Variants in ZNF804A observed in about 807,000 individuals in gnomAD.
ZNF804A encodes zinc finger protein 804A.
Under a neutral mutation model 16.5 loss-of-function variants are expected in ZNF804A, and 2 were observed. That is an observed-to-expected ratio of 0.12 (90% CI 0.05 to 0.38). The LOEUF (loss-of-function observed/expected upper bound fraction) is 0.38. ZNF804A is among the 10% of genes least tolerant of loss of function. ZNF804A has a pLI of 0.99. For synonymous variants in ZNF804A, 534 were observed against 489.6 expected, an observed-to-expected ratio of 1.09 and a Z score of -1.20; for missense variants, 1,473 against 1,390.7, an observed-to-expected ratio of 1.06 and a Z score of -0.94.
At chr2:184,629,950 A>C (rs1006915028) in intron 1 of ZNF804A, among the ~76,000 whole-genome samples, 1 of 152,164 alleles carries the variant, frequency 6.6e-6, no homozygotes, top group Non-Finnish European at 1.5e-5. Context: ...AAATCACCAT[A>C]CACTATACAT....
At chr2:184,702,210 A>G (rs1012603608) in intron 1 of ZNF804A, among the ~76,000 whole-genome samples, 6 of 152,162 alleles carry the variant, frequency 3.9e-5, no homozygotes, top group Admixed American at 3.3e-4. Context: ...TTGCATAGTC[A>G]CAACCCTTTA....
chr2:184,880,142 T>TGG (rs918013044), intron 2 of ZNF804A, among the ~76,000 whole-genome samples: 14 of 152,036 alleles, frequency 9.2e-5, no homozygotes, highest in African/African-American at 3.4e-4. Flanking sequence ...ATAGCAAAGA[T>TGG]GGAGCCCTTT....
intron 1 of ZNF804A, among the ~76,000 whole-genome samples, chr2:184,632,559 C>T (rs998468881): frequency 1.3e-5 from 2 of 152,098 alleles, no homozygotes; most frequent in Admixed American, 6.6e-5. Context: ...CCACGCCTGG[C>T]TAATTTTTGT....
chr2:184,680,488 A>C (rs1292169301), intron 1 of ZNF804A, among the ~76,000 whole-genome samples: 1 of 152,214 alleles, frequency 6.6e-6, no homozygotes, highest in Non-Finnish European at 1.5e-5. Flanking sequence ...ATCTGAACAG[A>C]CACTGGGACA....
At chr2:184,717,577 A>G (rs897288256) in intron 1 of ZNF804A, among the ~76,000 whole-genome samples, 29 of 152,314 alleles carry the variant, frequency 1.9e-4, no homozygotes, top group Non-Finnish European at 3.5e-4. Context: ...TTTTGCCGCC[A>G]TCCATTACAA....
chr2:184,829,623 T>C (rs1695226831), intron 1 of ZNF804A, among the ~76,000 whole-genome samples: 1 of 151,952 alleles, frequency 6.6e-6, no homozygotes, highest in African/African-American at 2.4e-5. Context: ...TGATATTATC[T>C]GATGTAGACA....
chr2:184,841,970 A>G (rs1695442723), intron 1 of ZNF804A, among the ~76,000 whole-genome samples: 1 of 152,160 alleles, frequency 6.6e-6, no homozygotes, highest in African/African-American at 2.4e-5. Flanking sequence ...AATGGGGCTA[A>G]TAATATTTGT....
intron 1 of ZNF804A, among the ~76,000 whole-genome samples, chr2:184,829,208 T>C (rs761056757): frequency 3.3e-5 from 5 of 151,818 alleles, no homozygotes; most frequent in African/African-American, 4.8e-5. Context: ...TTTAGATTTA[T>C]ATCAAATGTG....
At chr2:184,786,120 C>T (rs1234830567) in intron 1 of ZNF804A, among the ~76,000 whole-genome samples, 1 of 151,980 alleles carries the variant, frequency 6.6e-6, no homozygotes, top group Non-Finnish European at 1.5e-5. Context: ...AATCCTAACT[C>T]TAAAGGTAAT....
chr2:184,725,980 C>A (rs1236083365), intron 1 of ZNF804A, among the ~76,000 whole-genome samples: 1 of 151,638 alleles, frequency 6.6e-6, no homozygotes, highest in Non-Finnish European at 1.5e-5. Flanking sequence ...AGCTTTCTAG[C>A]AAAGTAATAT....
rs779929990 is a variant in ZNF804A, at chr2:184,695,465, T to TAAAAAAAAAAA, written c.111+96412_111+96422dup. ...GGGCGACAGAGCGAGACTCCGTCAT[T>TAAAAAAAAAAA]AAAAAAAAAAAAAAAAAAAAAAAAA... On this transcript the variant is annotated intron_variant, in intron 1 of 3. Transcript: ENST00000302277. 1.9e-3 allele frequency among the ~76,000 whole-genome samples: 100 copies of TAAAAAAAAAAA among 51,816 alleles called. 5 individuals carry two copies. The highest frequency in any genetic ancestry group is 9.0e-3 in the African/African-American group (95 of 10,590). The allele number at this position is 51,816 out of a possible 152,430, so 34.0% of individuals were successfully genotyped here. A position where few individuals can be genotyped will look rare whatever the true frequency, so the allele number is the denominator to read the frequency against.
intron 1 of ZNF804A, among the ~76,000 whole-genome samples, chr2:184,608,691 CT>C (rs1362822456): frequency 2.0e-5 from 3 of 152,134 alleles, no homozygotes; most frequent in Non-Finnish European, 4.4e-5. Context: ...TTGAGAGCTG[CT>C]TTTTCCTTTC....
chr2:184,882,818 C>A (rs1269824746), intron 2 of ZNF804A, among the ~76,000 whole-genome samples: 1 of 151,826 alleles, frequency 6.6e-6, no homozygotes, highest in Non-Finnish European at 1.5e-5. Context: ...CACTAAATAT[C>A]CACATTAAAA....
chr2:184,660,837 G>A (rs1236129540), intron 1 of ZNF804A, among the ~76,000 whole-genome samples: 1 of 152,238 alleles, frequency 6.6e-6, no homozygotes, highest in Non-Finnish European at 1.5e-5. Context: ...CACCTAGTGA[G>A]TTCTCAGTAG....
chr2:184,821,200 T>C (rs1695075227), intron 1 of ZNF804A, among the ~76,000 whole-genome samples: 1 of 152,128 alleles, frequency 6.6e-6, no homozygotes, highest in South Asian at 2.1e-4. Flanking sequence ...AGCATGGTAC[T>C]GGTACAAAGA....
At chr2:184,827,054 A>G (rs1453165998) in intron 1 of ZNF804A, among the ~76,000 whole-genome samples, 2 of 151,980 alleles carry the variant, frequency 1.3e-5, no homozygotes, top group African/African-American at 2.4e-5. Flanking sequence ...AAGAAAACAT[A>G]GTAGTTAAGA....
chr2:184,913,766 AT>A (rs1315897897), intron 2 of ZNF804A, among the ~76,000 whole-genome samples: 6 of 152,102 alleles, frequency 3.9e-5, no homozygotes, highest in African/African-American at 1.2e-4. Flanking sequence ...CTACTCTTCC[AT>A]TTCCACCAAG....
At chr2:184,690,383 C>CA (rs1692708914) in intron 1 of ZNF804A, among the ~76,000 whole-genome samples, 2 of 151,980 alleles carry the variant, frequency 1.3e-5, no homozygotes, top group Non-Finnish European at 1.5e-5. Context: ...AGTTGTCTAT[C>CA]AAATCCTACA....
chr2:184,642,300 C>T (rs1691807048), intron 1 of ZNF804A, among the ~76,000 whole-genome samples: 1 of 152,076 alleles, frequency 6.6e-6, no homozygotes, highest in African/African-American at 2.4e-5. Context: ...TGTGCCTAAA[C>T]TGTCCTCAAG....
Sources: allele counts gnomAD v4.1 joint callset (sites outside exome capture counted in the v4.1 genomes callset), GRCh38; gene constraint gnomAD v4.1.1; transcripts MANE v1.5; gene names NCBI Gene and HGNC (gene_info 2026-07-23, HGNC 2026-07-21).